The following TNR variants were observed in gnomAD, a reference collection of about 807,000 sequenced individuals.
TNR encodes the protein tenascin R, also known as tenascin-R.
In TNR, 45 loss-of-function variants were observed where a neutral mutation model predicts 150.4. That is an observed-to-expected ratio of 0.30 (90% CI 0.24 to 0.38). The LOEUF is 0.38. Among genes scored for constraint, TNR ranks in the 10% least tolerant of loss-of-function variants. TNR has a pLI of 1.00. For missense variants in TNR, 1,544 were observed against 1,759.1 expected (o/e 0.88, Z 2.19); for synonymous variants, 687 against 678.4 (o/e 1.01, Z -0.20).
intron 20 of TNR, 128 bp downstream of exon 20, chr1:175,335,583 G>A (rs528998882): frequency 1.2e-6 from 1 of 851,144 alleles, no homozygotes; most frequent in African/African-American, 1.7e-5. Flanking sequence ...GGTTCTGAAA[G>A]CAATTCAGGA....
intron 14 of TNR, among the ~76,000 whole-genome samples, chr1:175,361,465 G>C (rs766292865): frequency 1.3e-5 from 2 of 152,186 alleles, no homozygotes; most frequent in African/African-American, 2.4e-5. Context: ...CTGAATGGCT[G>C]TGTTATCTGT....
intron 1 of TNR, among the ~76,000 whole-genome samples, chr1:175,687,451 C>T (rs1666236762): frequency 6.6e-6 from 1 of 152,110 alleles, no homozygotes; most frequent in Non-Finnish European, 1.5e-5. Flanking sequence ...ATTCTTTACA[C>T]CCACTGAAAG....
chr1:175,652,691 C>G (rs1331868553), intron 1 of TNR, among the ~76,000 whole-genome samples: 1 of 152,302 alleles, frequency 6.6e-6, no homozygotes, highest in East Asian at 1.9e-4. Flanking sequence ...GCCTGCTTCC[C>G]CTTTGCCTTC....
chr1:175,739,731 C>A (rs1015358971), intron 1 of TNR, among the ~76,000 whole-genome samples: 3 of 152,090 alleles, frequency 2.0e-5, no homozygotes, highest in African/African-American at 7.2e-5. Context: ...AGAAACGGCA[C>A]CCTCCTCAGC....
intron 7 of TNR, among the ~76,000 whole-genome samples, chr1:175,389,420 T>A (rs1369347482): frequency 6.6e-6 from 1 of 152,162 alleles, no homozygotes; most frequent in Non-Finnish European, 1.5e-5. Context: ...TCCAGTGAGG[T>A]CTTGTCCCAC....
In TNR at chr1:175,599,201, A is replaced by T. The variant is rs1663129200; in HGVS notation, c.-164-70832T>A. ...GCAGGAGGGAGGGGAAGCTGTCCCC[A>T]GCTGCCAGATGGGAAGTGTCAGCTT... On this transcript the variant is annotated intron_variant, in intron 1 of 22. Transcript: ENST00000367674. The surrounding 1 kb of genome is among the most constrained non-coding windows in gnomAD (Gnocchi z 4.7). Among the ~76,000 whole-genome samples the T allele has an allele frequency of 2.0e-5, 3 of 152,166 alleles. No homozygotes were observed. The highest frequency in any genetic ancestry group is 7.2e-5 in the African/African-American group (3 of 41,450).
At chr1:175,504,976 G>A (rs535052226) in intron 2 of TNR, among the ~76,000 whole-genome samples, 2 of 152,186 alleles carry the variant, frequency 1.3e-5, no homozygotes, top group Non-Finnish European at 2.9e-5. Context: ...AGAGAGGACT[G>A]GAACAGATCC....
At chr1:175,687,614 AG>A (rs1250807126) in intron 1 of TNR, among the ~76,000 whole-genome samples, 4 of 152,064 alleles carry the variant, frequency 2.6e-5, no homozygotes, top group Non-Finnish European at 4.4e-5. Flanking sequence ...TGAAGAAGAG[AG>A]GTGGTATGCT....
At chr1:175,464,527 T>C (rs1378898638) in intron 2 of TNR, among the ~76,000 whole-genome samples, 1 of 152,178 alleles carries the variant, frequency 6.6e-6, no homozygotes, top group Non-Finnish European at 1.5e-5. Flanking sequence ...ACCTCAGATG[T>C]AATAGCACCC....
chr1:175,470,867 G>A (rs1657255092), intron 2 of TNR, among the ~76,000 whole-genome samples: 1 of 152,186 alleles, frequency 6.6e-6, no homozygotes, highest in African/African-American at 2.4e-5. Context: ...ACTATTGGCT[G>A]AAATTTGGCA....
At chr1:175,698,141 G>A (rs1416550860) in intron 1 of TNR, among the ~76,000 whole-genome samples, 1 of 152,218 alleles carries the variant, frequency 6.6e-6, no homozygotes, top group African/African-American at 2.4e-5. Flanking sequence ...GCACCAGTGT[G>A]TGGGCAGGGA....
intron 2 of TNR, among the ~76,000 whole-genome samples, chr1:175,440,628 T>A (rs2102080838): frequency 6.6e-6 from 1 of 151,976 alleles, no homozygotes; most frequent in South Asian, 2.1e-4. Context: ...TAGGAGGGAC[T>A]ATTGAAGTGA....
At chr1:175,555,752 T>C (rs10798401) in intron 1 of TNR, among the ~76,000 whole-genome samples, 97,726 of 151,968 alleles carry the variant, frequency 0.64, 31,712 homozygotes, top group Admixed American at 0.73. Flanking sequence ...TTACTATTAA[T>C]GAAAAACAAG....
At chr1:175,634,852 C>T (rs548866133) in intron 1 of TNR, among the ~76,000 whole-genome samples, 3 of 152,144 alleles carry the variant, frequency 2.0e-5, no homozygotes, top group Non-Finnish European at 4.4e-5. Flanking sequence ...TTATACAGTG[C>T]TACTTATTAC....
At chr1:175,678,839 G>C (rs533287165) in intron 1 of TNR, among the ~76,000 whole-genome samples, 23 of 152,320 alleles carry the variant, frequency 1.5e-4, no homozygotes, top group African/African-American at 5.3e-4. Flanking sequence ...TTCTGGGAAG[G>C]CAGAGAGACT....
intron 1 of TNR, among the ~76,000 whole-genome samples, chr1:175,637,348 A>G (rs934524265): frequency 2.6e-4 from 40 of 152,246 alleles, no homozygotes; most frequent in Admixed American, 1.9e-3. Flanking sequence ...TAGAGATAAC[A>G]TGGATAATTA....
chr1:175,406,078 ACCGT>A, intron 3 of TNR, 134 bp downstream of exon 3: 1 of 1,168,878 alleles, frequency 8.6e-7, no homozygotes, highest in Non-Finnish European at 1.2e-6. Flanking sequence ...TTTTCCTTTG[ACCGT>A]GTGAAGAGAT....
chr1:175,408,904 C>T (rs116660778), intron 2 of TNR, among the ~76,000 whole-genome samples: 29 of 152,318 alleles, frequency 1.9e-4, no homozygotes, highest in African/African-American at 6.5e-4. Flanking sequence ...ATCCTTAACA[C>T]AGCCTTATCC....
At chr1:175,644,967 T>G (rs1290717756) in intron 1 of TNR, among the ~76,000 whole-genome samples, 1 of 152,358 alleles carries the variant, frequency 6.6e-6, no homozygotes, top group African/African-American at 2.4e-5. Flanking sequence ...TTTAAGCTTT[T>G]TCCTTCTTTC....
Sources: gnomAD v4.1 joint callset for allele counts (sites outside exome capture counted in the v4.1 genomes callset) on GRCh38, gnomAD v4.1.1 for gene constraint, Gnocchi (gnomAD v3.1) non-coding constraint, MANE v1.5 for transcripts, NCBI Gene and HGNC (gene_info 2026-07-23, HGNC 2026-07-21) for gene names.